ZNF516: variants seen among roughly 807,000 people sequenced by gnomAD.
The protein encoded by ZNF516 is zinc finger protein 516.
A neutral mutation model predicts 79.7 loss-of-function variants in ZNF516; 19 were observed. The observed-to-expected ratio is 0.24, with a 90% CI of 0.17 to 0.35. ZNF516 has a LOEUF of 0.35. Among genes scored for constraint, ZNF516 ranks in the 10% least tolerant of loss-of-function variants. The probability of loss-of-function intolerance (pLI) is 1.00; values close to 1 mark genes in which losing one functional copy is unlikely to be tolerated. For missense variants in ZNF516, 1,678 were observed against 1,679.5 expected (o/e 1.00, Z 0.02); for synonymous variants, 877 against 739.5 (o/e 1.19, Z -3.02).
chr18:76,358,036 G>A lies in ZNF516; in HGVS notation c.*4462C>T, dbSNP rs1045205493. ...CATCTGGGCATCTGTTCAGATGAACGATCTTGTGAATTACCCTAAAACTCT... is the reference window on the plus strand; with the variant it reads ...CATCTGGGCATCTGTTCAGATGAACAATCTTGTGAATTACCCTAAAACTCT... On this transcript the variant is annotated 3_prime_UTR_variant, in exon 7 of 7. Transcript: ENST00000443185. Among the ~76,000 whole-genome samples the A allele has an allele frequency of 3.9e-5, 6 of 152,200 alleles. No individual in the cohort carries two copies. The highest frequency in any genetic ancestry group is 9.6e-5 in the African/African-American group (4 of 41,454).
intron 1 of ZNF516, among the ~76,000 whole-genome samples, chr18:76,464,666 G>A (rs56341214): frequency 0.043 from 6,228 of 144,106 alleles, 146 homozygotes; most frequent in Middle Eastern, 0.069. Context: ...CATTTCAGAC[G>A]GGGACAGTGG....
rs562925279 is a variant in ZNF516 at position 76,379,023 on chromosome 18, C to T, written c.3091G>A (p.Gly1031Ser). Residue 1031 changes from glycine (G) to serine (S), a missense_variant, in exon 4 of 7, where the codon GGC (glycine) becomes AGC (serine). Transcript: ENST00000443185. ...RGDAALQAQP[G>S]VAGAPPVLHS... ...AGGACGGGGGGCGCCCCAGCCACGC[C>T]GGGCTGGGCCTGCAAGGCCGCGTCG... is the stretch of plus-strand genomic sequence containing the variant. The T allele has an allele frequency of 1.7e-5, 27 of 1,607,076 alleles. 1 individual carries two copies. The highest frequency in any genetic ancestry group is 1.7e-4 in the Middle Eastern group (1 of 6,020).
chr18:76,366,650 G>A (rs979415874), intron 6 of ZNF516, among the ~76,000 whole-genome samples: 1 of 151,712 alleles, frequency 6.6e-6, no homozygotes, highest in Admixed American at 6.6e-5. Context: ...GTGTGTAGAT[G>A]TGTTCACGTG....
At position 76,441,572 on chromosome 18, in the gene ZNF516, G is replaced by T. The variant is rs757007970; in HGVS notation, c.1483C>A (p.Pro495Thr). 2.7e-6 allele frequency: 4 copies of T among 1,461,024 alleles called. No homozygotes were observed. The allele number at this position is 1,461,024 out of a possible 1,614,324, so 90.5% of individuals were successfully genotyped here. The change falls in exon 3 of 7, where the codon CCC (proline) becomes ACC (threonine). Residue 495 changes from proline (P) to threonine (T), a missense_variant. Coordinates refer to ENST00000443185, the MANE Select transcript of ZNF516 (RefSeq NM_014643.4). ...CGGTTGGGGCGCGCGGCCGAGCGGG[G>T]ATCGAGGTGGCCGGCGGGCGCGGGG... ...GDPAPAGHLD[P>T]RSAARPNRRA... is the part of the protein sequence containing the mutation.
At chr18:76,487,571 G>A (rs969284894) in intron 1 of ZNF516, among the ~76,000 whole-genome samples, 1 of 152,036 alleles carries the variant, frequency 6.6e-6, no homozygotes, top group Non-Finnish European at 1.5e-5. Flanking sequence ...CTCCCATAAG[G>A]TTAATTTTAT....
chr18:76,380,727 A>G (rs1443080678), intron 3 of ZNF516, among the ~76,000 whole-genome samples: 2 of 152,172 alleles, frequency 1.3e-5, no homozygotes, highest in Admixed American at 6.5e-5. Flanking sequence ...ATTGCAGGGT[A>G]AGAAAACCAG....
At position 76,362,530 on chromosome 18, in the gene ZNF516, C is replaced by T. The variant is rs767366466; in HGVS notation, c.3460G>A (p.Val1154Ile). The change falls in exon 7 of 7, where the codon GTC (valine) becomes ATC (isoleucine). Residue 1154 changes from valine to isoleucine, a missense_variant. Coordinates refer to ENST00000443185, the MANE Select transcript of ZNF516 (RefSeq NM_014643.4). The part of the protein sequence containing the change: ...QGRDHSNTGT[V>I]QTVPLRKGT ...CCCTTTCTCAGAGGCACTGTCTGGA[C>T]GGTACCTGTGTTAGAATGGTCTCTC... The T allele has an allele frequency of 6.2e-6, 10 of 1,613,088 alleles. No individual in the cohort carries two copies. Among genetic ancestry groups the T allele is most frequent in the East Asian group, 4.5e-5 (2 of 44,862 alleles).
In ZNF516 at chr18:76,378,852, T is replaced by C; in HGVS notation, c.3259+3A>G. On this transcript the variant is annotated splice_donor_region_variant and intron_variant, in intron 4 of 6. Coordinates refer to ENST00000443185, the MANE Select transcript of ZNF516 (RefSeq NM_014643.4). ...TGGGGAAGAGAGGGCCCGCACATCT[T>C]ACCTCTGTGCTCCAACCCAGGGCCG... 6.2e-7 allele frequency: 1 copy of C among 1,611,670 alleles called. No individual in the cohort carries two copies. Among genetic ancestry groups the C allele is most frequent in the Non-Finnish European group, 8.5e-7 (1 of 1,178,666 alleles).
chr18:76,461,206 TAAC>T (rs1451754396), intron 2 of ZNF516, among the ~76,000 whole-genome samples: 2 of 152,084 alleles, frequency 1.3e-5, no homozygotes, highest in Middle Eastern at 3.4e-3. Flanking sequence ...TAAATAAAAA[TAAC>T]AACATACTGA....
rs926074084 is a variant in ZNF516, at chr18:76,422,095, G to T, written c.1810+19150C>A. Among the ~76,000 whole-genome samples the T allele has an allele frequency of 1.0e-3, 155 of 152,218 alleles. 3 individuals are homozygous for T. Among genetic ancestry groups the T allele is most frequent in the Non-Finnish European group, 2.5e-4 (17 of 68,050 alleles). On this transcript the variant is annotated intron_variant, in intron 3 of 6. Transcript: ENST00000443185. ...TAAATCCCAGAAAAATTCAGCCAGG[G>T]TATCTATGCTAGTATCACCCAATTG...
rs774868049 is a variant in ZNF516, at chr18:76,379,460, T to A, written c.2654A>T (p.Tyr885Phe). ...GCCGTGACAAGGTTTGGTCTGTCGA[T>A]ACCCGTCAGGGCCGGGCGCCCACAG... ...CALWAPGPDG[Y>F]RQTKPCHGQE... The change falls in exon 4 of 7, where the codon TAT becomes TTT. Residue 885 changes from tyrosine (Y) to phenylalanine (F), a missense_variant. Tyr to Phe is a conservative substitution (Grantham distance 22). This residue lies in a region of ZNF516 where 1,294 missense variants were observed against 1,248.3 expected (regional missense o/e 1.04). Transcript: ENST00000443185. The A allele has an allele frequency of 4.3e-6, 7 of 1,613,428 alleles. No individual in the cohort carries two copies.
chr18:76,386,693 T>C (rs913305760), intron 3 of ZNF516: 1 of 152,190 alleles, frequency 6.6e-6, no homozygotes, highest in Non-Finnish European at 1.5e-5. Flanking sequence ...CAGAGACTTG[T>C]ATGAGGACTT....
chr18:76,446,955 G>A (rs377249764), intron 2 of ZNF516, among the ~76,000 whole-genome samples: 4 of 152,330 alleles, frequency 2.6e-5, no homozygotes, highest in South Asian at 2.1e-4. Flanking sequence ...TGAAGGACAC[G>A]TGAGCAAAGC....
intron 3 of ZNF516, among the ~76,000 whole-genome samples, chr18:76,418,495 A>ACGCTGTAACACG (rs1461610440): frequency 1.3e-5 from 2 of 152,080 alleles, no homozygotes; most frequent in African/African-American, 4.8e-5. Context: ...ACACTAACAT[A>ACGCTGTAACACG]CGCTGTAACA....
chr18:76,371,562 C>T lies in ZNF516; in HGVS notation c.3269G>A (p.Arg1090Gln), dbSNP rs764723721. 5 of 1,609,726 alleles carry T rather than the reference C, an allele frequency of 3.1e-6. No homozygotes were observed. The highest frequency in any genetic ancestry group is 3.3e-5 in the Admixed American group (2 of 59,958). ...GAACTCTCCTGGCCGGGCCTGCGTCCGGAGTGTCCCTGCGGTGGCGAGGTG... is the reference window on the plus strand; with the variant it reads ...GAACTCTCCTGGCCGGGCCTGCGTCTGGAGTGTCCCTGCGGTGGCGAGGTG... ...GPGLEHRGTL[R>Q]TQARPGEFVC... Residue 1090 changes from arginine to glutamine, a missense_variant, in exon 5 of 7, where the codon CGG (arginine) becomes CAG (glutamine). Physicochemically the swap from Arg to Gln is conservative, Grantham distance 43. Coordinates refer to ENST00000443185, the MANE Select transcript of ZNF516 (RefSeq NM_014643.4).
intron 3 of ZNF516, among the ~76,000 whole-genome samples, chr18:76,437,462 A>C (rs1164266090): frequency 6.7e-6 from 1 of 150,308 alleles, no homozygotes; most frequent in African/African-American, 2.5e-5. Flanking sequence ...TTCTTTGAAG[A>C]CTCTTTCCTT....
At chr18:76,492,931 G>T (rs1915320666) in intron 1 of ZNF516, 2 of 985,586 alleles carry the variant, frequency 2.0e-6, no homozygotes, top group Non-Finnish European at 2.4e-6. Flanking sequence ...GATGCGCGGG[G>T]CTGGCCAGAC....
intron 1 of ZNF516, 77 bp downstream of exon 1, chr18:76,495,067 T>TCGGGGCTCCGGGCCCCGC (rs1464418667): frequency 7.0e-6 from 1 of 142,226 alleles, no homozygotes; most frequent in Non-Finnish European, 1.5e-5. Context: ...ACGGGGCACG[T>TCGGGGCTCCGGGCCCCGC]CGGGGCTCCG....
At chr18:76,377,352 G>A (rs1019500351) in intron 4 of ZNF516, among the ~76,000 whole-genome samples, 1 of 152,280 alleles carries the variant, frequency 6.6e-6, no homozygotes, top group Non-Finnish European at 1.5e-5. Context: ...GCTCTTCAAA[G>A]CAGGAATGTA....
Sources: gnomAD v4.1 joint callset for allele counts (sites outside exome capture counted in the v4.1 genomes callset) on GRCh38, gnomAD v4.1.1 for gene constraint, gnomAD v4.1.1 regional missense constraint, MANE v1.5 for transcripts, NCBI Gene and HGNC (gene_info 2026-07-23, HGNC 2026-07-21) for gene names.